Variants in PRKG1 observed in about 807,000 individuals in gnomAD.
The protein encoded by PRKG1 is cGMP-dependent protein kinase 1.
PRKG1 carries 35 observed loss-of-function variants against 88.1 expected under a neutral mutation model. That is an observed-to-expected ratio of 0.40 (90% CI 0.30 to 0.53). The LOEUF (loss-of-function observed/expected upper bound fraction) is 0.53. Ranked by LOEUF, PRKG1 falls within the 20% of genes least tolerant of loss-of-function variation. The pLI, the probability that PRKG1 is intolerant of heterozygous loss-of-function variation, is 0.59. For synonymous variants in PRKG1, 303 were observed against 292.5 expected, an observed-to-expected ratio of 1.04 and a Z score of -0.37; for missense variants, 540 against 839.8, an observed-to-expected ratio of 0.64 and a Z score of 4.41.
chr10:51,328,292 C>T (rs1278120532), intron 2 of PRKG1, among the ~76,000 whole-genome samples: 3 of 152,116 alleles, frequency 2.0e-5, no homozygotes, highest in African/African-American at 7.2e-5. Flanking sequence ...TCCATGTTGT[C>T]TCAAGTGACA....
chr10:51,053,265 C>A (rs1056685015), intron 1 of PRKG1, among the ~76,000 whole-genome samples: 12 of 130,030 alleles, frequency 9.2e-5, no homozygotes, highest in Admixed American at 2.3e-4. Context: ...AAAAAAAAAA[C>A]CATTTTCCAC....
chr10:52,063,249 A>G (rs1589570917), intron 7 of PRKG1, among the ~76,000 whole-genome samples: 2 of 152,256 alleles, frequency 1.3e-5, no homozygotes, highest in Admixed American at 6.5e-5. Flanking sequence ...TGCACAGGCA[A>G]ACAAACTGGC....
At chr10:51,061,038 G>A (rs1256118150) in intron 1 of PRKG1, among the ~76,000 whole-genome samples, 1 of 122,880 alleles carries the variant, frequency 8.1e-6, no homozygotes, top group African/African-American at 3.4e-5. Context: ...CATTGTAACA[G>A]TTTTACTGTG....
intron 1 of PRKG1, among the ~76,000 whole-genome samples, chr10:51,077,222 A>G (rs920812666): frequency 6.6e-6 from 1 of 152,242 alleles, no homozygotes; most frequent in Non-Finnish European, 1.5e-5. Flanking sequence ...GTATTTCACT[A>G]TGAATAATTT....
rs536874270 is a variant in PRKG1, at chr10:51,343,628, A to G, written c.479-124095A>G. Among the ~76,000 whole-genome samples the G allele has an allele frequency of 2.0e-5, 3 of 152,312 alleles. No homozygotes were observed. In the East Asian group the frequency reaches 5.8e-4, roughly 29 times the overall value. On this transcript the variant is annotated intron_variant, in intron 2 of 17. Coordinates refer to ENST00000373980, the MANE Select transcript of PRKG1 (RefSeq NM_006258.4). ...ATTGACAATAATATGTTTTAATAAA[A>G]TGAATAATTTTATAAATTATTTTTC...
At chr10:51,033,374 G>T (rs1046583826) in intron 1 of PRKG1, among the ~76,000 whole-genome samples, 2 of 152,178 alleles carry the variant, frequency 1.3e-5, no homozygotes, top group African/African-American at 4.8e-5. Flanking sequence ...GGAAACTGAG[G>T]TTGGAGAGGA....
chr10:51,966,196 G>A (rs1188903623), intron 5 of PRKG1, among the ~76,000 whole-genome samples: 2 of 152,094 alleles, frequency 1.3e-5, no homozygotes, highest in Admixed American at 1.3e-4. Flanking sequence ...AAGCTGATTA[G>A]CAAATACATA....
chr10:51,318,245 A>G (rs1322667786), intron 2 of PRKG1, among the ~76,000 whole-genome samples: 1 of 152,196 alleles, frequency 6.6e-6, no homozygotes, highest in Non-Finnish European at 1.5e-5. Flanking sequence ...CTGGCAGTCA[A>G]GGTCCTCTTC....
intron 10 of PRKG1, among the ~76,000 whole-genome samples, chr10:52,271,001 G>GT (rs1564540099): frequency 6.6e-6 from 1 of 151,762 alleles, no homozygotes; most frequent in African/African-American, 2.4e-5. Context: ...TGGAAAAGAA[G>GT]TTTTTTTTCT....
chr10:52,121,700 G>A (rs955871432), intron 7 of PRKG1, among the ~76,000 whole-genome samples: 18 of 152,070 alleles, frequency 1.2e-4, no homozygotes, highest in South Asian at 1.0e-3. Flanking sequence ...TACCTTATTC[G>A]TCATTTCTCT....
chr10:51,860,517 G>A (rs1840846419), intron 4 of PRKG1, among the ~76,000 whole-genome samples: 1 of 152,166 alleles, frequency 6.6e-6, no homozygotes, highest in Admixed American at 6.5e-5. Context: ...TCCAAACAGG[G>A]TGGGGGAGTA....
At position 51,321,711 on chromosome 10, in the gene PRKG1, T is replaced by C. The variant is rs569501394; in HGVS notation, c.479-146012T>C. Among the ~76,000 whole-genome samples the C allele has an allele frequency of 1.8e-3, 267 of 152,192 alleles. 1 individual carries two copies. The highest frequency in any genetic ancestry group is 6.3e-3 in the African/African-American group (261 of 41,524). The stretch of plus-strand genomic sequence containing the variant: ...ATTTGCTAGCACAACAGGGTGACTA[T>C]AGTAAAAATTAATGTAATTGTTCAT... On this transcript the variant is annotated intron_variant, in intron 2 of 17. Coordinates refer to ENST00000373980, the MANE Select transcript of PRKG1 (RefSeq NM_006258.4).
intron 9 of PRKG1, among the ~76,000 whole-genome samples, chr10:52,212,725 C>A (rs929651771): frequency 6.6e-6 from 1 of 152,006 alleles, no homozygotes. Context: ...CAACAGAAAT[C>A]TTTTCAGTAA....
chr10:51,178,072 G>A (rs1291714144), intron 2 of PRKG1, among the ~76,000 whole-genome samples: 1 of 151,986 alleles, frequency 6.6e-6, no homozygotes, highest in Non-Finnish European at 1.5e-5. Context: ...AAATGGCAAG[G>A]GAAGACAGTT....
chr10:51,744,343 A>G (rs1837523216), intron 3 of PRKG1, among the ~76,000 whole-genome samples: 2 of 152,198 alleles, frequency 1.3e-5, no homozygotes, highest in African/African-American at 4.8e-5. Flanking sequence ...GGCTGCAACC[A>G]GAGTCCCAAC....
At chr10:51,163,037 G>A (rs1871631) in intron 2 of PRKG1, among the ~76,000 whole-genome samples, 94,996 of 151,946 alleles carry the variant, frequency 0.63, 31,140 homozygotes, top group African/African-American at 0.85. Context: ...TTTTAAACCC[G>A]AATAGTAATC....
chr10:51,240,518 T>C (rs533554844), intron 2 of PRKG1, among the ~76,000 whole-genome samples: 1 of 152,350 alleles, frequency 6.6e-6, no homozygotes, highest in East Asian at 1.9e-4. Flanking sequence ...AGTTATTTTA[T>C]ATATTTTTGT....
intron 3 of PRKG1, among the ~76,000 whole-genome samples, chr10:51,740,173 A>G (rs539658707): frequency 1.3e-5 from 2 of 152,110 alleles, no homozygotes; most frequent in East Asian, 3.9e-4. Context: ...GACTACTGAC[A>G]CACCACCACA....
intron 3 of PRKG1, among the ~76,000 whole-genome samples, chr10:51,761,886 T>A (rs1357006175): frequency 6.6e-6 from 1 of 152,182 alleles, no homozygotes; most frequent in Non-Finnish European, 1.5e-5. Flanking sequence ...AAACTTTGAT[T>A]ATTGTGGATT....
Sources: allele counts gnomAD v4.1 joint callset (sites outside exome capture counted in the v4.1 genomes callset), GRCh38; gene constraint gnomAD v4.1.1; transcripts MANE v1.5; gene names NCBI Gene and HGNC (gene_info 2026-07-23, HGNC 2026-07-21).